TF: variants seen among roughly 807,000 people sequenced by gnomAD.
TF encodes the protein transferrin.
Under a neutral mutation model 82.4 loss-of-function variants are expected in TF, and 55 were observed. That is an observed-to-expected ratio of 0.67 (90% CI 0.54 to 0.84). TF has a LOEUF of 0.84. TF is among the 40% of genes least tolerant of loss of function. The pLI is 0.00. For missense variants in TF, 737 were observed against 868.4 expected, an observed-to-expected ratio of 0.85 and a Z score of 1.90; for synonymous variants, 332 against 332.6, an observed-to-expected ratio of 1.00 and a Z score of 0.02.
At chr3:133,712,010 C>T in the TF span, among the ~76,000 whole-genome samples, 2 of 152,306 alleles carry the variant, frequency 1.3e-5, no homozygotes, top group East Asian at 3.9e-4. Flanking sequence ...AACTCCTACT[C>T]ACTCTTCATG....
At chr3:133,668,835 C>T in the TF span, among the ~76,000 whole-genome samples, 1 of 152,148 alleles carries the variant, frequency 6.6e-6, no homozygotes. Flanking sequence ...TGATGGCTGA[C>T]AGGAGTTGGT....
the TF span, among the ~76,000 whole-genome samples, chr3:133,687,777 C>T: frequency 2.0e-4 from 30 of 152,252 alleles, no homozygotes; most frequent in South Asian, 3.9e-3. Flanking sequence ...CTTTTCATGA[C>T]GGAATAATAT....
chr3:133,696,981 C>G, the TF span, among the ~76,000 whole-genome samples: 1 of 152,162 alleles, frequency 6.6e-6, no homozygotes, highest in Non-Finnish European at 1.5e-5. Context: ...CTGTGCTAAG[C>G]TCATTTTTAT....
the TF span, among the ~76,000 whole-genome samples, chr3:133,687,236 C>A: frequency 6.6e-6 from 1 of 152,102 alleles, no homozygotes; most frequent in Admixed American, 6.5e-5. Context: ...AGGAGATATA[C>A]CTAATGTAAA....
the TF span, among the ~76,000 whole-genome samples, chr3:133,663,651 G>A: frequency 6.6e-6 from 1 of 152,142 alleles, no homozygotes; most frequent in Non-Finnish European, 1.5e-5. Context: ...ATTGTCTCAT[G>A]TTATGGAGAT....
At chr3:133,748,731 A>G in intron 2 of TF, 147 bp downstream of exon 2, 1 of 1,071,262 alleles carries the variant, frequency 9.3e-7, no homozygotes, top group Non-Finnish European at 1.4e-6. Context: ...AAAAGTGGAA[A>G]TGGGGAGGTT....
At chr3:133,695,161 A>G in the TF span, among the ~76,000 whole-genome samples, 1 of 151,856 alleles carries the variant, frequency 6.6e-6, no homozygotes, top group South Asian at 2.1e-4. Context: ...CATGGGGGAG[A>G]AGTGAGGCCT....
the TF span, among the ~76,000 whole-genome samples, chr3:133,729,897 G>T: frequency 6.6e-6 from 1 of 151,762 alleles, no homozygotes; most frequent in Non-Finnish European, 1.5e-5. Context: ...TGAATTGTTT[G>T]TCTGTGTTCT....
chr3:133,668,295 C>G, the TF span, among the ~76,000 whole-genome samples: 2 of 152,162 alleles, frequency 1.3e-5, no homozygotes, highest in Admixed American at 6.5e-5. Flanking sequence ...CCAAGGAGCA[C>G]AAACTCCTCA....
intron 2 of TF, among the ~76,000 whole-genome samples, chr3:133,753,324 G>A (rs959713537): frequency 2.0e-5 from 3 of 152,214 alleles, no homozygotes; most frequent in Admixed American, 6.5e-5. Flanking sequence ...GTAAAGTCAC[G>A]TAGGATTTTT....
the TF span, among the ~76,000 whole-genome samples, chr3:133,719,089 T>A: frequency 6.6e-6 from 1 of 152,220 alleles, no homozygotes; most frequent in Non-Finnish European, 1.5e-5. Context: ...AAAAAGAATG[T>A]ACCTTGAACC....
upstream of TF, among the ~76,000 whole-genome samples, chr3:133,744,060 C>A (rs1210663300): frequency 6.6e-6 from 1 of 152,164 alleles, no homozygotes; most frequent in Admixed American, 6.5e-5. Flanking sequence ...CCTTCATATC[C>A]CATGAGGCTG....
intron 5 of TF, 110 bp downstream of exon 5, chr3:133,755,605 G>T: frequency 6.7e-7 from 1 of 1,501,008 alleles, no homozygotes; most frequent in Non-Finnish European, 9.1e-7. Flanking sequence ...GGGCATCGAG[G>T]TGGCCTAATC....
Position 133,768,178 on chromosome 3 carries a change from C to T in TF, c.1622+14C>T, listed in dbSNP as rs41295806. The T allele has an allele frequency of 3.7e-6, 6 of 1,613,960 alleles. No individual in the cohort carries two copies. Among genetic ancestry groups the T allele is most frequent in the East Asian group, 2.2e-5 (1 of 44,896 alleles). On this transcript the variant is annotated intron_variant, in intron 13 of 16. Transcript: ENST00000402696. ...AGGCGCTTTCAGGTGAGTCTTTTAA[C>T]CCTGAAACAAATAGAATAATATACA...
At chr3:133,679,786 T>C in the TF span, among the ~76,000 whole-genome samples, 5 of 152,148 alleles carry the variant, frequency 3.3e-5, no homozygotes, top group African/African-American at 1.2e-4. Context: ...AGTGGACAAG[T>C]CTTTGGGAGG....
intron 2 of TF, among the ~76,000 whole-genome samples, chr3:133,751,358 G>C (rs939413464): frequency 6.7e-6 from 1 of 149,946 alleles, no homozygotes; most frequent in South Asian, 2.1e-4. Flanking sequence ...TCAGCCTCCC[G>C]TGTAGCTGGG....
chr3:133,768,962 T>TC (rs1439194648), intron 13 of TF, among the ~76,000 whole-genome samples: 1 of 152,066 alleles, frequency 6.6e-6, no homozygotes, highest in Non-Finnish European at 1.5e-5. Context: ...CCAGCTAATT[T>TC]TTGTATTTTT....
chr3:133,698,404 C>T, the TF span, among the ~76,000 whole-genome samples: 7 of 152,164 alleles, frequency 4.6e-5, no homozygotes, highest in Non-Finnish European at 1.0e-4. Context: ...GTGGTTTAAG[C>T]AACATAAATA....
the TF span, among the ~76,000 whole-genome samples, chr3:133,683,612 T>C: frequency 6.6e-6 from 1 of 152,162 alleles, no homozygotes; most frequent in Non-Finnish European, 1.5e-5. Context: ...AGAAGGCCGT[T>C]ACATAATGGT....
Sources: allele counts gnomAD v4.1 joint callset (sites outside exome capture counted in the v4.1 genomes callset), GRCh38; gene constraint gnomAD v4.1.1; transcripts MANE v1.5; gene names NCBI Gene and HGNC (gene_info 2026-07-23, HGNC 2026-07-21).